The following SPIRE2 variants were observed in gnomAD, a reference collection of about 807,000 sequenced individuals.
SPIRE2 encodes spire type actin nucleation factor 2.
In SPIRE2, 76 loss-of-function variants were observed where a neutral mutation model predicts 80.7. The ratio of observed to expected loss-of-function variants is 0.94; its 90% CI spans 0.78 to 1.14. The LOEUF (loss-of-function observed/expected upper bound fraction) is 1.14. Ranked by LOEUF, SPIRE2 falls within the 50% of genes most tolerant of loss-of-function variation. The pLI is 0.00. For synonymous variants in SPIRE2, 535 were observed against 432.6 expected (o/e 1.24, Z -2.94); for missense variants, 1,196 against 1,015.3 (o/e 1.18, Z -2.42).
intron 14 of SPIRE2, 119 bp downstream of exon 14, chr16:89,869,801 A>C (rs1023914563): frequency 2.5e-6 from 2 of 804,498 alleles, no homozygotes; most frequent in Non-Finnish European, 4.1e-6. Context: ...AGGAAATGGA[A>C]ATGCAAGGCA....
chr16:89,857,964 G>T (rs548834896), intron 7 of SPIRE2, among the ~76,000 whole-genome samples: 1 of 141,228 alleles, frequency 7.1e-6, no homozygotes, highest in African/African-American at 2.6e-5. Context: ...CTCACTGCAA[G>T]CTCTACCTCC....
At chr16:89,855,919 C>A in intron 6 of SPIRE2, 194 bp from the exon 7 acceptor site, 1 of 1,096,986 alleles carries the variant, frequency 9.1e-7, no homozygotes, top group South Asian at 1.6e-5. Flanking sequence ...CCCACCCCAC[C>A]CCAGGTGCAT....
chr16:89,842,780 G>A (rs561107190), intron 1 of SPIRE2, among the ~76,000 whole-genome samples: 4 of 152,282 alleles, frequency 2.6e-5, no homozygotes, highest in East Asian at 1.9e-4. Flanking sequence ...AGCTGCAAAC[G>A]TGCTGAACGC....
At position 89,856,040 on chromosome 16, in the gene SPIRE2, T is replaced by C. The variant is rs985491060; in HGVS notation, c.979-73T>C. ...GTCACTTCCCCACCACAGGTCCCGC[T>C]TCCCCACCGCAGGTCCCGCTTCCCC... On this transcript the variant is annotated intron_variant, in intron 6 of 14. Transcript: ENST00000378247. 1.9e-6 allele frequency: 3 copies of C among 1,575,204 alleles called. No individual in the cohort carries two copies. In the African/African-American group the frequency reaches 4.1e-5, roughly 21 times the overall value.
At chr16:89,855,933 G>A (rs2041686342) in intron 6 of SPIRE2, 180 bp from the exon 7 acceptor site, 9 of 1,194,372 alleles carry the variant, frequency 7.5e-6, no homozygotes, top group Non-Finnish European at 1.0e-5. Flanking sequence ...GGTGCATGCG[G>A]AGCCCAGAGC....
intron 3 of SPIRE2, among the ~76,000 whole-genome samples, chr16:89,852,637 C>CCT (rs1163354591): frequency 2.1e-5 from 1 of 46,920 alleles, no homozygotes; most frequent in Non-Finnish European, 4.3e-5. Context: ...CGTCTTCCGT[C>CCT]CTCCCTCTCA....
intron 1 of SPIRE2, among the ~76,000 whole-genome samples, chr16:89,840,245 C>CTTTTTTT: frequency 7.5e-6 from 1 of 133,272 alleles, no homozygotes. Context: ...AACCTGTCAT[C>CTTTTTTT]TTTTTTTTTT....
At chr16:89,839,075 C>G (rs1265871710) in intron 1 of SPIRE2, among the ~76,000 whole-genome samples, 1 of 151,298 alleles carries the variant, frequency 6.6e-6, no homozygotes, top group Non-Finnish European at 1.5e-5. Context: ...GGCGCTGTGG[C>G]TCACGCCTGT....
At chr16:89,839,419 G>T (rs2041482284) in intron 1 of SPIRE2, among the ~76,000 whole-genome samples, 1 of 151,898 alleles carries the variant, frequency 6.6e-6, no homozygotes, top group Non-Finnish European at 1.5e-5. Context: ...TGTGTGGCCG[G>T]GTGCCTGTGC....
rs2041760792 is a variant in SPIRE2, at chr16:89,863,367, C to T, written c.1576-109C>T. On this transcript the variant is annotated intron_variant, in intron 10 of 14. Transcript: ENST00000378247. The surrounding 1 kb of genome is among the most constrained non-coding windows in gnomAD (Gnocchi z 4.3). ...GCTGATGGACAGCGTTTTAGAAGGT[C>T]GCAGGCTTGTTTAGGCTGAGGCCAG... 12 of 1,247,970 alleles carry T rather than the reference C, an allele frequency of 9.6e-6. No individual in the cohort carries two copies. Among genetic ancestry groups the T allele is most frequent in the South Asian group, 4.2e-5 (3 of 71,538 alleles). 77.3% of individuals were successfully genotyped at this position (1,247,970 alleles called of 1,614,324 possible). A position where few individuals can be genotyped will look rare whatever the true frequency, so the allele number is the denominator to read the frequency against.
rs71396976 is a variant in SPIRE2, at chr16:89,853,991, C to A, written c.646-295C>A. Among the ~76,000 whole-genome samples, 1,359 of 152,378 alleles carry A rather than the reference C, an allele frequency of 8.9e-3. 18 individuals are homozygous for A. Among genetic ancestry groups the A allele is most frequent in the South Asian group, 0.067 (325 of 4,830 alleles). ...GAAGCAGCTCAGCGTAAAGGCCTGGCTGGGACCTAGAGCAGCTGCGGGGAC... is the reference window on the plus strand; with the variant it reads ...GAAGCAGCTCAGCGTAAAGGCCTGGATGGGACCTAGAGCAGCTGCGGGGAC... On this transcript the variant is annotated intron_variant, in intron 3 of 14. Transcript: ENST00000378247.
Position 89,869,616 on chromosome 16 carries a change from G to T in SPIRE2, c.1856G>T (p.Gly619Val). The T allele has an allele frequency of 1.2e-6, 2 of 1,614,162 alleles. No individual in the cohort carries two copies. Among genetic ancestry groups the T allele is most frequent in the Non-Finnish European group, 1.7e-6 (2 of 1,180,036 alleles). Residue 619 changes from glycine (G) to valine (V), a missense_variant, in exon 14 of 15, where the codon GGC becomes GTC. By Grantham distance (109) the Gly-to-Val change is moderately radical. Transcript: ENST00000378247. ...KFGHIPVYTL[G>V]FESPQRVSAA... ...GGACACATCCCTGTCTACACACTGGGCTTTGAGAGTCCTCAGAGGGTATCA... is the reference window on the plus strand; with the variant it reads ...GGACACATCCCTGTCTACACACTGGTCTTTGAGAGTCCTCAGAGGGTATCA...
chr16:89,843,455 G>C (rs1472295842), intron 1 of SPIRE2, among the ~76,000 whole-genome samples: 1 of 151,670 alleles, frequency 6.6e-6, no homozygotes, highest in Non-Finnish European at 1.5e-5. Context: ...AACAGTCTTG[G>C]GGGGACATCT....
chr16:89,845,993 T>G, intron 2 of SPIRE2: 13 of 192,784 alleles, frequency 6.7e-5, no homozygotes, highest in Non-Finnish European at 9.6e-5. Context: ...GCCTCCCGGG[T>G]TCACACCTTT....
At chr16:89,830,356 G>T (rs538609346) in intron 1 of SPIRE2, among the ~76,000 whole-genome samples, 1 of 151,288 alleles carries the variant, frequency 6.6e-6, no homozygotes, top group East Asian at 1.9e-4. Context: ...ATTTGATAAC[G>T]ATCTTTGTTT....
At chr16:89,849,760 T>C (rs995049176) in intron 2 of SPIRE2, 6 of 247,530 alleles carry the variant, frequency 2.4e-5, no homozygotes, top group Admixed American at 5.2e-5. Flanking sequence ...TCAGGGTCCC[T>C]GTCAAGTAAA....
chr16:89,865,644 A>C (rs182517576), intron 12 of SPIRE2, among the ~76,000 whole-genome samples: 1 of 152,140 alleles, frequency 6.6e-6, no homozygotes, highest in African/African-American at 2.4e-5. Context: ...ACACGACCCA[A>C]GTAAAAGTTA....
chr16:89,835,750 T>C (rs1243190381), intron 1 of SPIRE2, among the ~76,000 whole-genome samples: 1 of 152,126 alleles, frequency 6.6e-6, no homozygotes, highest in Admixed American at 6.5e-5. Context: ...GCCGGGGAAG[T>C]CGAGGACACC....
intron 14 of SPIRE2, 56 bp from the exon 15 acceptor site, chr16:89,869,994 G>A: frequency 2.0e-6 from 3 of 1,475,956 alleles, no homozygotes; most frequent in Non-Finnish European, 1.9e-6. Context: ...AAGCAGGGAG[G>A]GGGGTGTGGC....
Sources: allele counts gnomAD v4.1 joint callset (sites outside exome capture counted in the v4.1 genomes callset), GRCh38; gene constraint gnomAD v4.1.1; non-coding constraint Gnocchi (gnomAD v3.1); transcripts MANE v1.5; gene names NCBI Gene and HGNC (gene_info 2026-07-23, HGNC 2026-07-21).